The following CTSB variants were observed in gnomAD, a reference collection of about 807,000 sequenced individuals.
The protein encoded by CTSB is cathepsin B, also known as APP secretase.
A neutral mutation model predicts 44.3 loss-of-function variants in CTSB; 57 were observed. The observed-to-expected ratio is 1.29, with a 90% CI of 1.04 to 1.60. CTSB has a LOEUF of 1.60. CTSB is among the 40% of genes most tolerant of loss of function. CTSB has a pLI of 0.00. For synonymous variants in CTSB, 320 were observed against 168.0 expected (o/e 1.91, Z -7.00); for missense variants, 768 against 443.0 (o/e 1.73, Z -6.59).
rs778953076 is a variant in CTSB, at chr8:11,850,793, G to A, written c.327+73C>T. The A allele has an allele frequency of 2.0e-5, 22 of 1,078,828 alleles. No individual in the cohort carries two copies. The Middle Eastern group carries it at 8.5e-4, about 41-fold the overall frequency. 66.8% of individuals were successfully genotyped at this position (1,078,828 alleles called of 1,614,324 possible). ...GCCTTGTCAGAGTTGTCCCCACCCC[G>A]AATCCCCCAAGACTCTCCAGTGTTG... On this transcript the variant is annotated intron_variant, in intron 4 of 9. Transcript: ENST00000353047.
At chr8:11,851,027 C>CT (rs1487379554) in intron 3 of CTSB, 47 bp from the exon 4 acceptor site, 1 of 1,425,198 alleles carries the variant, frequency 7.0e-7, no homozygotes, top group South Asian at 1.2e-5. Flanking sequence ...CCACAACTCC[C>CT]TCCCCAATCC....
At chr8:11,852,970 G>A (rs900867710) in intron 2 of CTSB, among the ~76,000 whole-genome samples, 2 of 152,120 alleles carry the variant, frequency 1.3e-5, no homozygotes, top group South Asian at 2.1e-4. Context: ...GGTCAGGGCT[G>A]GGCAGAGACA....
In CTSB at chr8:11,847,100, C is replaced by G. The variant is rs138438915; in HGVS notation, c.745G>C (p.Val249Leu). Residue 249 changes from valine to leucine, a missense_variant, in exon 8 of 10, where the codon GTG (valine) becomes CTG (leucine). By Grantham distance (32) the Val-to-Leu change is conservative. Coordinates refer to ENST00000353047, the MANE Select transcript of CTSB (RefSeq NM_001908.5). ...GAATACACAGAGAAAGCTCCCTCCA[C>G]GGGGCCGTTTTTGTAGATCTCGGCC... ...IMAEIYKNGP[V>L]EGAFSVYSDF... is the part of the protein sequence containing the mutation. The G allele has an allele frequency of 6.2e-7, 1 of 1,613,754 alleles. No homozygotes were observed. The highest frequency in any genetic ancestry group is 8.5e-7 in the Non-Finnish European group (1 of 1,179,628).
At chr8:11,864,669 A>T (rs902630941) in intron 1 of CTSB, among the ~76,000 whole-genome samples, 5 of 152,178 alleles carry the variant, frequency 3.3e-5, no homozygotes, top group African/African-American at 1.2e-4. Context: ...AAAAGTCTAA[A>T]CACATGGCTG....
intron 1 of CTSB, among the ~76,000 whole-genome samples, chr8:11,855,933 G>A (rs1815429775): frequency 6.6e-6 from 1 of 151,868 alleles, no homozygotes; most frequent in African/African-American, 2.4e-5. Flanking sequence ...CAGGAGAATT[G>A]CTTCAACTCA....
chr8:11,848,136 G>T lies in CTSB; in HGVS notation c.463C>A (p.Pro155Thr). 6.2e-7 allele frequency: 1 copy of T among 1,614,104 alleles called. No homozygotes were observed. Among genetic ancestry groups the T allele is most frequent in the South Asian group, 1.1e-5 (1 of 91,088 alleles). Residue 155 changes from proline (P) to threonine (T), a missense_variant, in exon 6 of 10, where the codon CCT (proline) becomes ACT (threonine). Transcript: ENST00000353047. ...MCGDGCNGGYPAEAWNFWTRK... is the reference protein window; with the variant it reads ...MCGDGCNGGYTAEAWNFWTRK... The stretch of plus-strand genomic sequence containing the variant: ...GTCCAGAAGTTCCAAGCTTCAGCAG[G>T]ATAGCCACCATTACAGCTGAAAAGA...
intron 2 of CTSB, 96 bp from the exon 3 acceptor site, chr8:11,852,791 GA>G: frequency 8.4e-7 from 1 of 1,197,404 alleles, no homozygotes; most frequent in Non-Finnish European, 1.2e-6. Context: ...GAAAACCAGA[GA>G]CCCTACCCAA....
At chr8:11,860,863 G>A (rs1370371201) in intron 1 of CTSB, among the ~76,000 whole-genome samples, 1 of 152,122 alleles carries the variant, frequency 6.6e-6, no homozygotes, top group African/African-American at 2.4e-5. Flanking sequence ...CTGAAGTTTT[G>A]ACCACTTAAG....
At chr8:11,846,652 C>T (rs1813404483) in intron 8 of CTSB, among the ~76,000 whole-genome samples, 2 of 152,180 alleles carry the variant, frequency 1.3e-5, no homozygotes, top group African/African-American at 4.8e-5. Flanking sequence ...ATGTGTCAGC[C>T]AGTGCAAACA....
chr8:11,858,114 G>A, intron 1 of CTSB, among the ~76,000 whole-genome samples: 1 of 152,172 alleles, frequency 6.6e-6, no homozygotes, highest in East Asian at 1.9e-4. Context: ...AGTCAAGAAT[G>A]AAATGAGGAG....
chr8:11,852,671 C>T lies in CTSB; in HGVS notation c.151G>A (p.Asp51Asn). Residue 51 changes from aspartate to asparagine, a missense_variant, in exon 3 of 10, where the codon GAC (aspartate) becomes AAC (asparagine). Physicochemically the swap from Asp to Asn is conservative, Grantham distance 23. Transcript: ENST00000353047. ...WQAGHNFYNVDMSYLKRLCGT... is the reference protein window; with the variant it reads ...WQAGHNFYNVNMSYLKRLCGT... ...CATAGCCTCTTCAAGTAGCTCATGT[C>T]CACGTTGTAGAAGTTGTGCCCGGCC... The T allele has an allele frequency of 6.2e-7, 1 of 1,614,084 alleles. No homozygotes were observed. The highest frequency in any genetic ancestry group is 8.5e-7 in the Non-Finnish European group (1 of 1,180,032).
chr8:11,849,793 T>C (rs1011143747), intron 4 of CTSB, among the ~76,000 whole-genome samples: 1 of 151,736 alleles, frequency 6.6e-6, no homozygotes, highest in African/African-American at 2.4e-5. Flanking sequence ...GTTGGCCAGG[T>C]TGGTCTCAAA....
chr8:11,845,510 T>G (rs1276448692), intron 9 of CTSB, 151 bp downstream of exon 9: 2 of 935,954 alleles, frequency 2.1e-6, no homozygotes, highest in East Asian at 2.6e-5. Flanking sequence ...AAAAGGGAAC[T>G]CCTGACTGCC....
rs770081331 is a variant in CTSB at position 11,850,875 on chromosome 8, G to C, written c.318C>G (p.Gly106=). The change falls in exon 4 of 10, where the codon GGC becomes GGG. Residue 106 remains glycine (G), a synonymous_variant. Transcript: ENST00000353047. Reference sequence around the variant, plus strand: ...GCCAGCAGGGCCTTACCCAGCAGGAGCCACAGGAGCCCTGGTCTCTGATCT... The same window carrying C: ...GCCAGCAGGGCCTTACCCAGCAGGACCCACAGGAGCCCTGGTCTCTGATCT... ...IKEIRDQGSC[G]SCWAFGAVEA... 6.2e-7 allele frequency: 1 copy of C among 1,611,956 alleles called. No homozygotes were observed. Among genetic ancestry groups the C allele is most frequent in the East Asian group, 2.2e-5 (1 of 44,882 alleles).
chr8:11,851,204 G>A (rs1344500274), intron 3 of CTSB, among the ~76,000 whole-genome samples: 1 of 152,024 alleles, frequency 6.6e-6, no homozygotes, highest in Non-Finnish European at 1.5e-5. Flanking sequence ...CGGGAGGGTG[G>A]GAGTGGACAG....
In CTSB at chr8:11,848,438, G is replaced by A. The variant is rs561101701; in HGVS notation, c.447-286C>T. 672 of 531,128 alleles carry A rather than the reference G, an allele frequency of 1.3e-3. 2 individuals carry two copies. The highest frequency in any genetic ancestry group is 7.7e-3 in the Middle Eastern group (27 of 3,520). The allele number at this position is 531,128 out of a possible 1,614,324, so 32.9% of individuals were successfully genotyped here. ...AGACCAGGCTACGAGTGCCCTTCCG[G>A]GTAGAACACTGATTCTCAACTGAGC... is the stretch of plus-strand genomic sequence containing the variant. On this transcript the variant is annotated intron_variant, in intron 5 of 9. Transcript: ENST00000353047.
intron 7 of CTSB, among the ~76,000 whole-genome samples, 160 bp downstream of exon 7, chr8:11,847,519 T>C (rs1813625272): frequency 6.6e-6 from 1 of 152,114 alleles, no homozygotes; most frequent in African/African-American, 2.4e-5. Flanking sequence ...GTGGAGAGTG[T>C]GCTGCTTCTC....
chr8:11,845,905 C>A, intron 8 of CTSB, 116 bp from the exon 9 acceptor site: 1 of 1,305,210 alleles, frequency 7.7e-7, no homozygotes, highest in Non-Finnish European at 1.0e-6. Context: ...CAGAGGGAAC[C>A]TGCTGCTCCA....
At chr8:11,845,528 TAGG>T (rs1205080517) in intron 9 of CTSB, 130 bp downstream of exon 9, 5 of 1,101,974 alleles carry the variant, frequency 4.5e-6, no homozygotes, top group African/African-American at 1.6e-5. Context: ...GCCTGGCACT[TAGG>T]AGGAGCTCAC....
Sources: allele counts gnomAD v4.1 joint callset (sites outside exome capture counted in the v4.1 genomes callset), GRCh38; gene constraint gnomAD v4.1.1; transcripts MANE v1.5; gene names NCBI Gene and HGNC (gene_info 2026-07-23, HGNC 2026-07-21).